SYNE1: variants seen among roughly 807,000 people sequenced by gnomAD.
The protein encoded by SYNE1 is nesprin-1.
SYNE1 carries 616 observed loss-of-function variants against 1,111.0 expected under a neutral mutation model. The ratio of observed to expected loss-of-function variants is 0.55; its 90% confidence interval spans 0.52 to 0.59. The LOEUF (loss-of-function observed/expected upper bound fraction) is 0.59. Ranked by LOEUF, SYNE1 falls within the 20% of genes least tolerant of loss-of-function variation. SYNE1 has a pLI of 0.00. For missense variants in SYNE1, 10,006 were observed against 10,417.0 expected, an observed-to-expected ratio of 0.96 and a Z score of 1.72; for synonymous variants, 3,855 against 3,825.8, an observed-to-expected ratio of 1.01 and a Z score of -0.28.
chr6:152,197,478 A>C (rs991703147), intron 127 of SYNE1, among the ~76,000 whole-genome samples: 1 of 152,176 alleles, frequency 6.6e-6, no homozygotes, highest in Non-Finnish European at 1.5e-5. Context: ...TAGCCTCACA[A>C]AGTGTATTTC....
chr6:152,265,207 GA>G (rs36042696), intron 100 of SYNE1, among the ~76,000 whole-genome samples: 137 of 87,898 alleles, frequency 1.6e-3, no homozygotes, highest in African/African-American at 4.2e-3. Context: ...CTCTGTCTCA[GA>G]AAAAAAAAAA....
intron 3 of SYNE1, among the ~76,000 whole-genome samples, chr6:152,560,295 G>A (rs984173724): frequency 6.6e-6 from 1 of 152,190 alleles, no homozygotes; most frequent in African/African-American, 2.4e-5. Context: ...AAACCTGGGA[G>A]GCAGAAGTTG....
intron 117 of SYNE1, among the ~76,000 whole-genome samples, chr6:152,222,498 T>C (rs1562292253): frequency 6.6e-6 from 1 of 152,216 alleles, no homozygotes; most frequent in African/African-American, 2.4e-5. Context: ...TCTCTGGGTG[T>C]TCTTCCTTGC....
intron 127 of SYNE1, among the ~76,000 whole-genome samples, chr6:152,194,946 A>G (rs1418991204): frequency 1.3e-5 from 2 of 151,744 alleles, no homozygotes; most frequent in Non-Finnish European, 2.9e-5. Context: ...TTTGAGACAG[A>G]GTCTTGCTCT....
chr6:152,441,102 T>G (rs1327529000), intron 32 of SYNE1, 28 bp downstream of exon 32: 1 of 1,612,486 alleles, frequency 6.2e-7, no homozygotes, highest in African/African-American at 1.3e-5. Context: ...TTTTTCTGAA[T>G]ATTGGGTACC....
chr6:152,575,671 A>G (rs1747239532), intron 3 of SYNE1, among the ~76,000 whole-genome samples: 1 of 152,246 alleles, frequency 6.6e-6, no homozygotes, highest in African/African-American at 2.4e-5. Flanking sequence ...TAGATTTGCC[A>G]CAACTTACTA....
Position 152,441,186 on chromosome 6 carries a change from G to A in SYNE1, c.4093C>T (p.Arg1365Cys), listed in dbSNP as rs770015858. ...TCCAAACTGCTAAAACTCAAGAAGC[G>A]TTCATGACTGGAACCTGTTTGAAAA... ...YLFQTGSSHE[R>C]FLSFSSLESL... The change falls in exon 32 of 146, where the codon CGC becomes TGC. Residue 1365 changes from arginine to cysteine, a missense_variant. Arg to Cys is a radical substitution (Grantham distance 180). Coordinates refer to ENST00000367255, the MANE Select transcript of SYNE1 (RefSeq NM_182961.4). The A allele has an allele frequency of 6.2e-6, 10 of 1,613,302 alleles. No individual in the cohort carries two copies. Among genetic ancestry groups the A allele is most frequent in the South Asian group, 3.3e-5 (3 of 91,010 alleles).
At chr6:152,545,041 T>C (rs1186221807) in intron 3 of SYNE1, among the ~76,000 whole-genome samples, 1 of 152,204 alleles carries the variant, frequency 6.6e-6, no homozygotes, top group African/African-American at 2.4e-5. Context: ...TTAAAATACA[T>C]GACAATATCC....
intron 127 of SYNE1, among the ~76,000 whole-genome samples, chr6:152,198,605 A>AT (rs1019073449): frequency 2.6e-5 from 4 of 152,240 alleles, no homozygotes; most frequent in African/African-American, 9.6e-5. Context: ...GAGACATGAG[A>AT]TTTTTTTCAA....
chr6:152,204,474 C>A (rs979631762), intron 126 of SYNE1, among the ~76,000 whole-genome samples: 2 of 151,722 alleles, frequency 1.3e-5, no homozygotes, highest in African/African-American at 4.8e-5. Context: ...ACATACAGAG[C>A]ATGGAATTAT....
chr6:152,391,473 G>A lies in SYNE1; in HGVS notation c.7808C>T (p.Thr2603Ile). Residue 2603 changes from threonine to isoleucine, a missense_variant, in exon 52 of 146, where the codon ACA becomes ATA. Physicochemically the swap from Thr to Ile is moderately conservative, Grantham distance 89. Around this residue, in one of 7 missense-constraint regions of SYNE1, gnomAD observed 4,955 missense variants for 5,017.2 expected, o/e 0.99. Coordinates refer to ENST00000367255, the MANE Select transcript of SYNE1 (RefSeq NM_182961.4). ...CATTCTAAGTAGGTTCTGGTGGCTT[G>A]TGAGGAGCTGGGAACACAGGCGGCC... ...QEGRLCSQLL[T>I]SHQNLLRMTK... The A allele has an allele frequency of 6.2e-7, 1 of 1,613,308 alleles. No individual in the cohort carries two copies. Among genetic ancestry groups the A allele is most frequent in the Non-Finnish European group, 8.5e-7 (1 of 1,179,922 alleles).
chr6:152,196,557 G>C (rs945928428), intron 127 of SYNE1, among the ~76,000 whole-genome samples: 5 of 152,016 alleles, frequency 3.3e-5, no homozygotes, highest in African/African-American at 1.2e-4. Flanking sequence ...CTGGCCAAGG[G>C]TGTGTCTAGA....
intron 102 of SYNE1, 63 bp from the exon 103 acceptor site, chr6:152,255,809 T>C (rs2090669888): frequency 6.3e-7 from 1 of 1,582,552 alleles, no homozygotes; most frequent in East Asian, 2.2e-5. Context: ...AGGAAAAATA[T>C]CAGGATGGGG....
chr6:152,211,187 T>C (rs1365772288), intron 124 of SYNE1, among the ~76,000 whole-genome samples: 1 of 152,346 alleles, frequency 6.6e-6, no homozygotes, highest in East Asian at 1.9e-4. Flanking sequence ...AAACCGTTGA[T>C]AGGTCATTGA....
chr6:152,386,807 C>T (rs998094848), intron 54 of SYNE1, among the ~76,000 whole-genome samples: 14 of 151,588 alleles, frequency 9.2e-5, no homozygotes, highest in African/African-American at 3.4e-4. Flanking sequence ...ACTAAAAAAG[C>T]GGAGAAAGAG....
intron 128 of SYNE1, among the ~76,000 whole-genome samples, chr6:152,186,537 C>A (rs928106480): frequency 1.3e-3 from 150 of 113,886 alleles, no homozygotes; most frequent in African/African-American, 4.7e-3. Context: ...GCCTGGGCAA[C>A]AAGAGAGCAG....
intron 13 of SYNE1, among the ~76,000 whole-genome samples, chr6:152,484,006 AC>A (rs2098925009): frequency 1.5e-5 from 2 of 136,108 alleles, no homozygotes; most frequent in South Asian, 4.7e-4. Flanking sequence ...GTTTAAAACC[AC>A]CCTGGGCAAT....
intron 131 of SYNE1, among the ~76,000 whole-genome samples, chr6:152,157,130 T>C (rs1365416388): frequency 6.6e-6 from 1 of 152,148 alleles, no homozygotes; most frequent in East Asian, 1.9e-4. Context: ...CCCAGCTGAT[T>C]TGCATTCTTT....
At chr6:152,240,359 C>G (rs2085312584) in intron 107 of SYNE1, among the ~76,000 whole-genome samples, 1 of 152,156 alleles carries the variant, frequency 6.6e-6, no homozygotes, top group Non-Finnish European at 1.5e-5. Context: ...GGCTTGGGCT[C>G]TACTTTCTGA....
Sources: allele counts gnomAD v4.1 joint callset (sites outside exome capture counted in the v4.1 genomes callset), GRCh38; gene constraint gnomAD v4.1.1; regional missense constraint gnomAD v4.1.1; transcripts MANE v1.5; gene names NCBI Gene and HGNC (gene_info 2026-07-23, HGNC 2026-07-21).